The following MDGA2 variants were observed in gnomAD, a reference collection of about 807,000 sequenced individuals.
The protein encoded by MDGA2 is MAM domain-containing glycosylphosphatidylinositol anchor protein 2.
A neutral mutation model predicts 117.8 loss-of-function variants in MDGA2; 40 were observed. The ratio of observed to expected loss-of-function variants is 0.34; its 90% CI spans 0.26 to 0.44. The LOEUF is 0.44. MDGA2 is among the 20% of genes least tolerant of loss of function. MDGA2 has a pLI of 1.00. For missense variants in MDGA2, 1,123 were observed against 1,250.6 expected, an observed-to-expected ratio of 0.90 and a Z score of 1.54; for synonymous variants, 452 against 439.0, an observed-to-expected ratio of 1.03 and a Z score of -0.37.
At chr14:46,909,964 A>G (rs143944620) in intron 10 of MDGA2, among the ~76,000 whole-genome samples, 75 of 152,208 alleles carry the variant, frequency 4.9e-4, no homozygotes, top group African/African-American at 1.7e-3. Flanking sequence ...AAGCTTTCCT[A>G]TTTTGTTTAT....
chr14:47,674,494 G>T, intron 1 of MDGA2, 23 bp downstream of exon 1: 4 of 1,542,830 alleles, frequency 2.6e-6, no homozygotes, highest in East Asian at 2.5e-5. Flanking sequence ...ACAAGGTCAC[G>T]ATAGCGTCGC....
chr14:47,144,275 C>T lies in MDGA2; in HGVS notation c.596-1G>A, dbSNP rs1180190813. 1 of 1,544,686 alleles carries T rather than the reference C, an allele frequency of 6.5e-7. No homozygotes were observed. Among genetic ancestry groups the T allele is most frequent in the Non-Finnish European group, 8.7e-7 (1 of 1,143,248 alleles). ...ACAGTTACTACTGGATCATCCAAATCTAAAGGAAATAAAAACAACCAAATG... is the reference window on the plus strand; with the variant it reads ...ACAGTTACTACTGGATCATCCAAATTTAAAGGAAATAAAAACAACCAAATG... On this transcript the variant is annotated splice_acceptor_variant, in intron 3 of 16. Coordinates refer to ENST00000399232, the MANE Select transcript of MDGA2 (RefSeq NM_001113498.3). LOFTEE classifies it high-confidence loss of function.
intron 8 of MDGA2, among the ~76,000 whole-genome samples, chr14:47,004,808 T>C (rs1887654957): frequency 1.3e-5 from 2 of 151,740 alleles, no homozygotes; most frequent in South Asian, 2.1e-4. Flanking sequence ...TTCACAGATT[T>C]TTCCCTGACA....
chr14:47,625,661 T>G (rs1417205293), intron 1 of MDGA2, among the ~76,000 whole-genome samples: 1 of 152,190 alleles, frequency 6.6e-6, no homozygotes, highest in Non-Finnish European at 1.5e-5. Flanking sequence ...ATAAGCCGCC[T>G]TTATTTATTA....
chr14:46,943,047 T>A (rs890234809), intron 9 of MDGA2, among the ~76,000 whole-genome samples: 8 of 152,100 alleles, frequency 5.3e-5, no homozygotes, highest in African/African-American at 1.9e-4. Context: ...TAGTATTTTT[T>A]ATTTAGGAAT....
At chr14:47,286,812 T>TATATAC (rs1418668813) in intron 2 of MDGA2, among the ~76,000 whole-genome samples, 2 of 117,378 alleles carry the variant, frequency 1.7e-5, no homozygotes, top group East Asian at 2.4e-4. Flanking sequence ...ATTATATATA[T>TATATAC]ATATATATAT....
At chr14:47,155,419 G>A (rs1883328000) in intron 3 of MDGA2, among the ~76,000 whole-genome samples, 1 of 152,062 alleles carries the variant, frequency 6.6e-6, no homozygotes, top group South Asian at 2.1e-4. Context: ...AGACCTAGCA[G>A]CTCCCCAAGC....
intron 7 of MDGA2, among the ~76,000 whole-genome samples, chr14:47,054,892 T>TA (rs1185546789): frequency 6.6e-6 from 1 of 151,726 alleles, no homozygotes; most frequent in Non-Finnish European, 1.5e-5. Context: ...GCTAAAACCA[T>TA]AAAAACCCTA....
chr14:47,499,883 G>A lies in MDGA2; in HGVS notation c.280+174634C>T, dbSNP rs115533669. On this transcript the variant is annotated intron_variant, in intron 1 of 16. Coordinates refer to ENST00000399232, the MANE Select transcript of MDGA2 (RefSeq NM_001113498.3). ...TGTGCATTCTCTCATTTTGTGTCCA[G>A]GCATTTATCTTTGTCCAGATAACCA... 4.5e-3 allele frequency among the ~76,000 whole-genome samples: 677 copies of A among 152,072 alleles called. 7 individuals carry two copies. Among genetic ancestry groups the A allele is most frequent in the African/African-American group, 0.015 (641 of 41,490 alleles).
At chr14:46,951,743 C>G (rs1015671325) in intron 9 of MDGA2, among the ~76,000 whole-genome samples, 1 of 151,918 alleles carries the variant, frequency 6.6e-6, no homozygotes, top group Admixed American at 6.6e-5. Flanking sequence ...GATAAGAACA[C>G]AGCCCAACCA....
chr14:47,305,780 A>G (rs751595799), intron 1 of MDGA2, among the ~76,000 whole-genome samples: 5 of 152,194 alleles, frequency 3.3e-5, no homozygotes, highest in Non-Finnish European at 7.3e-5. Flanking sequence ...AAATTATATG[A>G]TAATTGAATA....
intron 6 of MDGA2, among the ~76,000 whole-genome samples, chr14:47,092,500 G>A (rs1410585689): frequency 6.6e-6 from 1 of 152,136 alleles, no homozygotes; most frequent in African/African-American, 2.4e-5. Flanking sequence ...AATTTAATTA[G>A]AAGGATATCT....
At chr14:47,019,408 G>A (rs1888204269) in intron 8 of MDGA2, among the ~76,000 whole-genome samples, 1 of 152,152 alleles carries the variant, frequency 6.6e-6, no homozygotes, top group Admixed American at 6.5e-5. Flanking sequence ...TGTTGTTGCT[G>A]TTGTTTTATT....
intron 1 of MDGA2, among the ~76,000 whole-genome samples, chr14:47,665,041 G>A (rs569141191): frequency 1.3e-5 from 2 of 152,182 alleles, no homozygotes; most frequent in Admixed American, 1.3e-4. Flanking sequence ...TCTAGTTGGG[G>A]TAAACTTTAA....
intron 1 of MDGA2, among the ~76,000 whole-genome samples, chr14:47,502,652 G>C (rs1894421917): frequency 6.6e-6 from 1 of 151,970 alleles, no homozygotes; most frequent in Non-Finnish European, 1.5e-5. Flanking sequence ...ATCCTTTGGG[G>C]GTTTTTTTGT....
chr14:46,936,620 C>T (rs907944439), intron 9 of MDGA2, among the ~76,000 whole-genome samples: 3 of 151,970 alleles, frequency 2.0e-5, no homozygotes, highest in Non-Finnish European at 4.4e-5. Context: ...CCGTCATATA[C>T]TGTGGTATGG....
At chr14:47,148,477 G>C (rs1026468378) in intron 3 of MDGA2, among the ~76,000 whole-genome samples, 2 of 152,100 alleles carry the variant, frequency 1.3e-5, no homozygotes, top group Non-Finnish European at 2.9e-5. Flanking sequence ...TCTCTAAAAG[G>C]CCATTCTATC....
intron 9 of MDGA2, among the ~76,000 whole-genome samples, chr14:46,925,384 C>T (rs1025199502): frequency 3.9e-4 from 60 of 152,130 alleles, no homozygotes; most frequent in African/African-American, 1.3e-3. Context: ...GTAATCCCAG[C>T]ACTTTGGGAG....
chr14:47,571,193 A>C (rs1425888773), intron 1 of MDGA2, among the ~76,000 whole-genome samples: 1 of 152,216 alleles, frequency 6.6e-6, no homozygotes, highest in Non-Finnish European at 1.5e-5. Flanking sequence ...GCAAATCAAA[A>C]CCACAATGAG....
Sources: gnomAD v4.1 joint callset for allele counts (sites outside exome capture counted in the v4.1 genomes callset) on GRCh38, gnomAD v4.1.1 for gene constraint, MANE v1.5 for transcripts, NCBI Gene and HGNC (gene_info 2026-07-23, HGNC 2026-07-21) for gene names.